Variants in GPHN observed in about 807,000 individuals in gnomAD.
GPHN encodes gephyrin.
GPHN carries 17 observed loss-of-function variants against 95.5 expected under a neutral mutation model. That is an observed-to-expected ratio of 0.18 (90% CI 0.12 to 0.27). The LOEUF (loss-of-function observed/expected upper bound fraction) is 0.27. GPHN is among the 10% of genes least tolerant of loss of function. GPHN has a pLI of 1.00. For synonymous variants in GPHN, 320 were observed against 322.5 expected (o/e 0.99, Z 0.08); for missense variants, 660 against 978.1 (o/e 0.67, Z 4.34).
intron 4 of GPHN, among the ~76,000 whole-genome samples, chr14:66,857,659 C>T (rs1279760845): frequency 6.6e-6 from 1 of 152,160 alleles, no homozygotes; most frequent in Non-Finnish European, 1.5e-5. Context: ...CTTAACAACT[C>T]TCCACAGAAG....
chr14:67,681,844 G>A, the GPHN span, among the ~76,000 whole-genome samples: 1 of 152,138 alleles, frequency 6.6e-6, no homozygotes, highest in Non-Finnish European at 1.5e-5. Flanking sequence ...AAGACTATTA[G>A]AAGAAAACAT....
At chr14:66,992,945 A>G (rs1430615249) in intron 9 of GPHN, among the ~76,000 whole-genome samples, 1 of 152,200 alleles carries the variant, frequency 6.6e-6, no homozygotes, top group Non-Finnish European at 1.5e-5. Flanking sequence ...CACAGATTAT[A>G]TGTCTCATAC....
At position 67,180,886 on chromosome 14, in the gene GPHN, G is replaced by A; in HGVS notation, c.2259G>A (p.Val753=). ...TACCTCCAAAGACAGAACAGTACGT[G>A]GAGCTCCACAAAGGCGAGGTGGTGG... is the stretch of plus-strand genomic sequence containing the variant. ...LMLPPKTEQY[V]ELHKGEVVDV... The change falls in exon 23 of 23, where the codon GTG becomes GTA. Residue 753 remains valine, a synonymous_variant. Transcript: ENST00000478722. The A allele has an allele frequency of 6.2e-7, 1 of 1,613,988 alleles. No homozygotes were observed. Among genetic ancestry groups the A allele is most frequent in the Non-Finnish European group, 8.5e-7 (1 of 1,179,914 alleles).
At chr14:66,766,854 A>T (rs905119643) in intron 2 of GPHN, among the ~76,000 whole-genome samples, 1 of 152,046 alleles carries the variant, frequency 6.6e-6, no homozygotes, top group African/African-American at 2.4e-5. Flanking sequence ...AAATTTCATT[A>T]ATCTTGCCTC....
At chr14:67,660,511 T>C in the GPHN span, among the ~76,000 whole-genome samples, 2 of 152,230 alleles carry the variant, frequency 1.3e-5, no homozygotes, top group Admixed American at 6.5e-5. Flanking sequence ...TGATTGAACA[T>C]TGCCATCAAG....
the GPHN span, among the ~76,000 whole-genome samples, chr14:67,694,696 CAG>C: frequency 6.6e-6 from 1 of 151,594 alleles, no homozygotes; most frequent in Non-Finnish European, 1.5e-5. Flanking sequence ...ACTGAGTGTT[CAG>C]AAGGCAGAAA....
At chr14:66,756,573 TA>T (rs773118139) in intron 2 of GPHN, among the ~76,000 whole-genome samples, 2 of 151,984 alleles carry the variant, frequency 1.3e-5, no homozygotes, top group Non-Finnish European at 2.9e-5. Flanking sequence ...GAGTTTAGAT[TA>T]AAAAAAATTG....
chr14:67,433,664 G>T, the GPHN span, among the ~76,000 whole-genome samples: 32 of 151,746 alleles, frequency 2.1e-4, 1 homozygote, highest in Non-Finnish European at 4.0e-4. Context: ...GAAGGAGGAG[G>T]GTAAACTTAA....
At chr14:67,265,950 A>T in the GPHN span, among the ~76,000 whole-genome samples, 1 of 152,072 alleles carries the variant, frequency 6.6e-6, no homozygotes, top group Non-Finnish European at 1.5e-5. Flanking sequence ...TCCATTAAAA[A>T]ACTTTTAAAA....
chr14:66,980,051 A>G (rs925056808), intron 9 of GPHN, among the ~76,000 whole-genome samples: 48 of 152,152 alleles, frequency 3.2e-4, no homozygotes, highest in African/African-American at 1.1e-3. Context: ...CCTCAAAACA[A>G]TTGCAAAAGT....
chr14:67,281,124 C>T, the GPHN span, among the ~76,000 whole-genome samples: 2 of 151,866 alleles, frequency 1.3e-5, no homozygotes, highest in African/African-American at 4.8e-5. Context: ...GTCTTCAACT[C>T]CTGACCTCAT....
At chr14:67,657,477 CTG>C in the GPHN span, among the ~76,000 whole-genome samples, 1 of 152,184 alleles carries the variant, frequency 6.6e-6, no homozygotes, top group Non-Finnish European at 1.5e-5. Flanking sequence ...TTTACTCCAC[CTG>C]TAATCCTAAA....
the GPHN span, among the ~76,000 whole-genome samples, chr14:67,277,744 T>C: frequency 6.6e-6 from 1 of 152,178 alleles, no homozygotes; most frequent in Non-Finnish European, 1.5e-5. Context: ...TGAAAGATTT[T>C]TAAAATAGAA....
chr14:66,982,924 T>C (rs2070771012), intron 9 of GPHN, among the ~76,000 whole-genome samples: 1 of 152,184 alleles, frequency 6.6e-6, no homozygotes, highest in African/African-American at 2.4e-5. Flanking sequence ...TAATCTTTTG[T>C]GATTTCTTTT....
chr14:67,305,991 T>C, the GPHN span, among the ~76,000 whole-genome samples: 1 of 151,850 alleles, frequency 6.6e-6, no homozygotes, highest in East Asian at 1.9e-4. Context: ...CTGTTCTTTT[T>C]ACTTGGAGTC....
chr14:66,852,827 C>T (rs1690819337), intron 4 of GPHN, among the ~76,000 whole-genome samples: 1 of 152,168 alleles, frequency 6.6e-6, no homozygotes, highest in Admixed American at 6.5e-5. Flanking sequence ...ATGGTAATTA[C>T]ACCTGTTGTC....
the GPHN span, among the ~76,000 whole-genome samples, chr14:67,310,177 A>G: frequency 1.3e-5 from 2 of 152,036 alleles, no homozygotes; most frequent in East Asian, 3.8e-4. Flanking sequence ...CTGTGTTTTG[A>G]TTCACTGCTA....
At chr14:67,123,582 A>G (rs1300934008) in intron 17 of GPHN, among the ~76,000 whole-genome samples, 1 of 152,194 alleles carries the variant, frequency 6.6e-6, no homozygotes, top group East Asian at 1.9e-4. Flanking sequence ...AGGCTGAGGC[A>G]TGAGAATCAT....
At chr14:67,326,444 T>C in the GPHN span, among the ~76,000 whole-genome samples, 22 of 151,986 alleles carry the variant, frequency 1.4e-4, no homozygotes, top group Admixed American at 7.2e-4. Flanking sequence ...ATATATTTGA[T>C]TTTCTAATTA....
Sources: gnomAD v4.1 joint callset for allele counts (sites outside exome capture counted in the v4.1 genomes callset) on GRCh38, gnomAD v4.1.1 for gene constraint, MANE v1.5 for transcripts, NCBI Gene and HGNC (gene_info 2026-07-23, HGNC 2026-07-21) for gene names.